The following NLGN1 variants were observed in gnomAD, a reference collection of about 807,000 sequenced individuals.
NLGN1 encodes neuroligin-1.
A neutral mutation model predicts 65.5 loss-of-function variants in NLGN1; 12 were observed. The ratio of observed to expected loss-of-function variants is 0.18; its 90% CI spans 0.12 to 0.30. The LOEUF is 0.30. Among genes scored for constraint, NLGN1 ranks in the 10% least tolerant of loss-of-function variants. NLGN1 has a pLI of 1.00. For synonymous variants in NLGN1, 350 were observed against 359.5 expected (o/e 0.97, Z 0.30); for missense variants, 750 against 1,007.1 (o/e 0.74, Z 3.46).
intron 3 of NLGN1, among the ~76,000 whole-genome samples, chr3:173,773,817 C>T (rs1365074771): frequency 1.3e-5 from 2 of 152,076 alleles, no homozygotes; most frequent in Non-Finnish European, 2.9e-5. Flanking sequence ...ATGAAGTAAA[C>T]AAAACATGGT....
At chr3:173,873,781 A>G (rs149172224) in intron 4 of NLGN1, among the ~76,000 whole-genome samples, 1,774 of 152,250 alleles carry the variant, frequency 0.012, 13 homozygotes, top group Middle Eastern at 0.031. Context: ...GAGATCTTGG[A>G]CAGTGATGGT....
chr3:173,451,378 A>G (rs994217424), intron 2 of NLGN1, among the ~76,000 whole-genome samples: 1 of 152,140 alleles, frequency 6.6e-6, no homozygotes, highest in Non-Finnish European at 1.5e-5. Context: ...AACAGTGGAT[A>G]TTGGTGAACC....
intron 2 of NLGN1, among the ~76,000 whole-genome samples, chr3:173,485,275 A>C (rs532184678): frequency 3.7e-4 from 56 of 152,286 alleles, no homozygotes; most frequent in Middle Eastern, 3.4e-3. Context: ...TGGGAGCTAC[A>C]AATGAGATTT....
At chr3:173,546,722 T>A (rs1431951771) in intron 2 of NLGN1, among the ~76,000 whole-genome samples, 1 of 152,202 alleles carries the variant, frequency 6.6e-6, no homozygotes, top group Non-Finnish European at 1.5e-5. Flanking sequence ...ATTGTTCAAC[T>A]GATAATGAAA....
intron 4 of NLGN1, among the ~76,000 whole-genome samples, chr3:173,953,036 C>T (rs896851544): frequency 1.3e-5 from 2 of 152,266 alleles, no homozygotes; most frequent in South Asian, 4.1e-4. Flanking sequence ...ACCTTGGCCT[C>T]CCAAAGTGCT....
chr3:173,601,384 A>G (rs1430410826), intron 2 of NLGN1, among the ~76,000 whole-genome samples: 1 of 152,080 alleles, frequency 6.6e-6, no homozygotes, highest in East Asian at 1.9e-4. Context: ...ATTAGTTGCT[A>G]GAATGAGCCT....
At chr3:174,275,704 T>A (rs1750418267) in intron 5 of NLGN1, among the ~76,000 whole-genome samples, 177 bp downstream of exon 5, 1 of 151,890 alleles carries the variant, frequency 6.6e-6, no homozygotes. Context: ...CAAACTCTTT[T>A]CTTTGTCTCC....
intron 2 of NLGN1, among the ~76,000 whole-genome samples, chr3:173,578,761 A>G (rs1033311451): frequency 6.6e-6 from 1 of 152,232 alleles, no homozygotes; most frequent in African/African-American, 2.4e-5. Context: ...TGGAATTAAA[A>G]GCCACCAAAA....
At chr3:173,616,047 C>T (rs1202565889) in intron 3 of NLGN1, among the ~76,000 whole-genome samples, 1 of 151,814 alleles carries the variant, frequency 6.6e-6, no homozygotes, top group Non-Finnish European at 1.5e-5. Flanking sequence ...TAGTAAGCAC[C>T]CTGAGGAAAG....
chr3:173,635,148 A>G (rs1356626124), intron 3 of NLGN1, among the ~76,000 whole-genome samples: 1 of 152,176 alleles, frequency 6.6e-6, no homozygotes, highest in African/African-American at 2.4e-5. Context: ...CAAAATAGCT[A>G]CAGAGTATTT....
intron 4 of NLGN1, among the ~76,000 whole-genome samples, chr3:174,237,397 A>T (rs1345545886): frequency 1.3e-5 from 2 of 152,198 alleles, no homozygotes; most frequent in African/African-American, 4.8e-5. Flanking sequence ...TCCTTTAATG[A>T]CACCATTTTC....
At chr3:174,232,138 G>C (rs1740819200) in intron 4 of NLGN1, among the ~76,000 whole-genome samples, 1 of 152,190 alleles carries the variant, frequency 6.6e-6, no homozygotes, top group Non-Finnish European at 1.5e-5. Context: ...TCAACGATGG[G>C]AGGTAGGGAT....
intron 2 of NLGN1, among the ~76,000 whole-genome samples, chr3:173,468,834 TA>T (rs536616360): frequency 1.3e-4 from 20 of 151,124 alleles, no homozygotes; most frequent in East Asian, 5.8e-4. Context: ...AAACTGAAAA[TA>T]AAAAAAAATT....
At chr3:173,773,156 C>G (rs796881709) in intron 3 of NLGN1, among the ~76,000 whole-genome samples, 1 of 152,076 alleles carries the variant, frequency 6.6e-6, no homozygotes, top group Non-Finnish European at 1.5e-5. Context: ...TGCCTTTTCC[C>G]CACTGTGCTC....
intron 3 of NLGN1, among the ~76,000 whole-genome samples, chr3:173,778,187 T>C (rs1404204969): frequency 6.6e-6 from 1 of 151,922 alleles, no homozygotes; most frequent in Non-Finnish European, 1.5e-5. Flanking sequence ...TTTCATTGTG[T>C]ATAATTATAT....
rs1456312673 is a variant in NLGN1, at chr3:173,845,339, T to C, written c.646+37507T>C. 2.0e-5 allele frequency among the ~76,000 whole-genome samples: 3 copies of C among 152,168 alleles called. No individual in the cohort carries two copies. The East Asian group carries it at 5.8e-4, about 29-fold the overall frequency. On this transcript the variant is annotated intron_variant, in intron 4 of 6. Transcript: ENST00000457714. ...GGACCATCAATATATGGCTTGTATG[T>C]ACTGGGAGACAGTAAGCCAAATGCC...
chr3:173,596,582 T>C (rs1749525428), intron 2 of NLGN1, among the ~76,000 whole-genome samples: 1 of 152,220 alleles, frequency 6.6e-6, no homozygotes, highest in Non-Finnish European at 1.5e-5. Context: ...TGCAGTTAGC[T>C]CAATGTTTAG....
chr3:174,116,534 C>T (rs962706667), intron 4 of NLGN1, among the ~76,000 whole-genome samples: 9 of 151,882 alleles, frequency 5.9e-5, no homozygotes, highest in African/African-American at 2.2e-4. Context: ...GACAGGATTT[C>T]ACTATGTTGT....
intron 4 of NLGN1, among the ~76,000 whole-genome samples, chr3:173,983,087 T>G (rs1215060226): frequency 6.6e-6 from 1 of 152,168 alleles, no homozygotes; most frequent in African/African-American, 2.4e-5. Flanking sequence ...AATACAAGTT[T>G]TCGAGTTCTT....
Sources: gnomAD v4.1 joint callset for allele counts (sites outside exome capture counted in the v4.1 genomes callset) on GRCh38, gnomAD v4.1.1 for gene constraint, MANE v1.5 for transcripts, NCBI Gene and HGNC (gene_info 2026-07-23, HGNC 2026-07-21) for gene names.